The following ATE1 variants were observed in gnomAD, a reference collection of about 807,000 sequenced individuals.
ATE1 encodes arginyl-tRNA--protein transferase 1.
A neutral mutation model predicts 70.5 loss-of-function variants in ATE1; 36 were observed. That is an observed-to-expected ratio of 0.51 (90% CI 0.39 to 0.67). The LOEUF (loss-of-function observed/expected upper bound fraction) is 0.67. Among genes scored for constraint, ATE1 ranks in the 30% least tolerant of loss-of-function variants. The probability of loss-of-function intolerance (pLI) is 0.00; values close to 1 mark genes in which losing one functional copy is unlikely to be tolerated. For synonymous variants in ATE1, 232 were observed against 219.3 expected, an observed-to-expected ratio of 1.06 and a Z score of -0.51; for missense variants, 593 against 629.5, an observed-to-expected ratio of 0.94 and a Z score of 0.62.
chr10:121,769,712 G>C (rs1945422630), intron 11 of ATE1, among the ~76,000 whole-genome samples: 3 of 152,158 alleles, frequency 2.0e-5, no homozygotes, highest in African/African-American at 7.2e-5. Flanking sequence ...AACATGAGGA[G>C]ACATTTCACT....
chr10:121,894,730 C>A (rs1950709932), intron 7 of ATE1, among the ~76,000 whole-genome samples: 1 of 151,946 alleles, frequency 6.6e-6, no homozygotes, highest in South Asian at 2.1e-4. Flanking sequence ...GAAACCCCGT[C>A]TCTACTAAAA....
chr10:121,924,458 T>C (rs1167957033), intron 1 of ATE1, 129 bp from the exon 2 acceptor site: 1 of 831,104 alleles, frequency 1.2e-6, no homozygotes, highest in Non-Finnish European at 1.9e-6. Context: ...CCCAGCACTC[T>C]GGGAGGCCAA....
chr10:121,799,438 A>G (rs1365256771), intron 10 of ATE1, among the ~76,000 whole-genome samples: 4 of 149,552 alleles, frequency 2.7e-5, no homozygotes, highest in African/African-American at 7.3e-5. Flanking sequence ...TGTTTAGGAA[A>G]ACAAAAAAAA....
intron 11 of ATE1, among the ~76,000 whole-genome samples, chr10:121,778,886 C>T (rs1337072123): frequency 2.6e-5 from 4 of 152,018 alleles, no homozygotes; most frequent in Non-Finnish European, 4.4e-5. Context: ...TACAGGTTCA[C>T]GTGAGCCACT....
At chr10:121,831,472 A>C (rs1202990809) in intron 10 of ATE1, among the ~76,000 whole-genome samples, 1 of 152,118 alleles carries the variant, frequency 6.6e-6, no homozygotes, top group Non-Finnish European at 1.5e-5. Context: ...CCTCCTCTGC[A>C]CTCGTGTCCT....
At chr10:121,868,393 C>T (rs145195987) in intron 8 of ATE1, among the ~76,000 whole-genome samples, 9 of 152,242 alleles carry the variant, frequency 5.9e-5, no homozygotes, top group African/African-American at 1.9e-4. Flanking sequence ...AATTATGGAT[C>T]TTTACATACT....
chr10:121,922,316 A>G lies in ATE1; in HGVS notation c.233+33T>C, dbSNP rs1951913381. The G allele has an allele frequency of 9.8e-6, 14 of 1,422,876 alleles. No homozygotes were observed. The East Asian group carries it at 3.2e-4, about 33-fold the overall frequency. 88.1% of individuals were successfully genotyped at this position (1,422,876 alleles called of 1,614,324 possible). On this transcript the variant is annotated intron_variant, in intron 3 of 11. Transcript: ENST00000224652. The stretch of plus-strand genomic sequence containing the variant: ...AAATATTATACACAATCTTCATACT[A>G]TAAATCCTCTTTCTACTAATTAAAA...
intron 10 of ATE1, among the ~76,000 whole-genome samples, chr10:121,823,379 A>T (rs1048530542): frequency 6.6e-6 from 1 of 152,192 alleles, no homozygotes; most frequent in African/African-American, 2.4e-5. Flanking sequence ...GAATGTAGGG[A>T]GTAGAGAAGG....
intron 5 of ATE1, among the ~76,000 whole-genome samples, chr10:121,904,831 T>C (rs538497430): frequency 6.6e-6 from 1 of 152,016 alleles, no homozygotes; most frequent in South Asian, 2.1e-4. Context: ...GATGAGAAAA[T>C]AGTGAGTTCA....
chr10:121,785,447 C>T (rs1331262980), intron 11 of ATE1, among the ~76,000 whole-genome samples: 2 of 152,086 alleles, frequency 1.3e-5, no homozygotes, highest in Admixed American at 1.3e-4. Context: ...TGAATGAACG[C>T]AGGACAGCAT....
chr10:121,743,429 A>T lies in ATE1; in HGVS notation c.*251T>A. The T allele has an allele frequency of 1.7e-6, 1 of 593,864 alleles. No individual in the cohort carries two copies. The highest frequency in any genetic ancestry group is 2.3e-6 in the Non-Finnish European group (1 of 426,452). 36.8% of individuals were successfully genotyped at this position (593,864 alleles called of 1,614,324 possible). A position where few individuals can be genotyped will look rare whatever the true frequency, so the allele number is the denominator to read the frequency against. On this transcript the variant is annotated 3_prime_UTR_variant, in exon 12 of 12. Coordinates refer to ENST00000224652, the MANE Select transcript of ATE1 (RefSeq NM_001001976.3). The stretch of plus-strand genomic sequence containing the variant: ...GGAGAATTTGAGCGTATCTTGCTCT[A>T]GAAAGAATCCTCCAAAATGATAAAT...
intron 10 of ATE1, among the ~76,000 whole-genome samples, chr10:121,834,872 T>TATATTCAA: frequency 6.6e-6 from 1 of 152,318 alleles, no homozygotes; most frequent in East Asian, 1.9e-4. Flanking sequence ...TTAAGTCTAG[T>TATATTCAA]ATGAAAATAC....
At chr10:121,848,319 A>T (rs572494854) in intron 8 of ATE1, among the ~76,000 whole-genome samples, 1 of 119,776 alleles carries the variant, frequency 8.3e-6, no homozygotes, top group Non-Finnish European at 1.9e-5. Context: ...TTCATTCATT[A>T]AAAAACTTAT....
At chr10:121,802,589 G>A (rs530778201) in intron 10 of ATE1, among the ~76,000 whole-genome samples, 22 of 152,174 alleles carry the variant, frequency 1.4e-4, no homozygotes, top group Non-Finnish European at 2.2e-4. Context: ...GATTACAGGC[G>A]TGAGCCACCG....
At chr10:121,824,503 C>T (rs977585241) in intron 10 of ATE1, among the ~76,000 whole-genome samples, 1 of 152,142 alleles carries the variant, frequency 6.6e-6, no homozygotes, top group African/African-American at 2.4e-5. Flanking sequence ...GGCCAAGCAC[C>T]TACTTTTGGG....
In ATE1 at chr10:121,911,062, G is replaced by T; in HGVS notation, c.427C>A (p.Leu143Ile). ...AAACTCTCTTTGATGTCATCACTGA[G>T]TGTTTTAAGATCACACTGTATATCC... ...KLDIQCDLKT[L>I]SDDIKESLES... The change falls in exon 5 of 12, where the codon CTC becomes ATC. Residue 143 changes from leucine to isoleucine, a missense_variant. Transcript: ENST00000224652. The T allele has an allele frequency of 6.2e-7, 1 of 1,613,366 alleles. No homozygotes were observed. Among genetic ancestry groups the T allele is most frequent in the South Asian group, 1.1e-5 (1 of 90,832 alleles).
intron 1 of ATE1, 123 bp from the exon 2 acceptor site, chr10:121,924,452 GC>G: frequency 5.6e-6 from 5 of 897,762 alleles, no homozygotes; most frequent in South Asian, 1.5e-5. Context: ...TGTAATCCCA[GC>G]ACTCTGGGAG....
intron 7 of ATE1, among the ~76,000 whole-genome samples, chr10:121,882,248 T>C (rs1424594582): frequency 2.6e-5 from 4 of 152,344 alleles, no homozygotes; most frequent in South Asian, 2.1e-4. Context: ...GTAAAACATA[T>C]GTTCTTTTAA....
intron 9 of ATE1, 137 bp downstream of exon 9, chr10:121,840,945 T>C (rs1948605362): frequency 4.1e-6 from 3 of 724,448 alleles, no homozygotes; most frequent in Non-Finnish European, 5.9e-6. Context: ...ATGTATTCTA[T>C]GTAAGAGACT....
Sources: allele counts gnomAD v4.1 joint callset (sites outside exome capture counted in the v4.1 genomes callset), GRCh38; gene constraint gnomAD v4.1.1; transcripts MANE v1.5; gene names NCBI Gene and HGNC (gene_info 2026-07-23, HGNC 2026-07-21).